The following TSEN2 variants were observed in gnomAD, a reference collection of about 807,000 sequenced individuals.
TSEN2 encodes the protein tRNA-splicing endonuclease subunit Sen2.
TSEN2 carries 54 observed loss-of-function variants against 59.2 expected under a neutral mutation model. The observed-to-expected ratio is 0.91, with a 90% CI of 0.73 to 1.14. TSEN2 has a LOEUF of 1.14. TSEN2 is among the 50% of genes most tolerant of loss of function. The probability of loss-of-function intolerance (pLI) is 0.00; values close to 1 mark genes in which losing one functional copy is unlikely to be tolerated. For missense variants in TSEN2, 636 were observed against 576.2 expected (o/e 1.10, Z -1.06); for synonymous variants, 195 against 198.2 (o/e 0.98, Z 0.14).
rs115088336 is a variant in TSEN2 at position 12,509,482 on chromosome 3, G to C, written c.909+4251G>C. ...CCCAAAGTGCTGAGATTATAGTCAT[G>C]AGCCACCACACGCTGCCAGGCAGTC... is the stretch of plus-strand genomic sequence containing the variant. On this transcript the variant is annotated intron_variant, in intron 6 of 11. Coordinates refer to ENST00000284995, the MANE Select transcript of TSEN2 (RefSeq NM_025265.4). Among the ~76,000 whole-genome samples the C allele has an allele frequency of 6.6e-3, 1,006 of 152,290 alleles. 8 individuals carry two copies. The highest frequency in any genetic ancestry group is 0.017 in the Middle Eastern group (5 of 294).
chr3:12,503,315 A>G lies in TSEN2; in HGVS notation c.362A>G (p.Asp121Gly), dbSNP rs1032496010. Residue 121 changes from aspartate to glycine, a missense_variant, in exon 5 of 12, where the codon GAT (aspartate) becomes GGT (glycine). Transcript: ENST00000284995. Reference sequence around the variant, plus strand: ...GAGCTGATGCGTAGACAGGGGCAGGATGAGAGTACAGTGCGCAGAATCCTC... The same window carrying G: ...GAGCTGATGCGTAGACAGGGGCAGGGTGAGAGTACAGTGCGCAGAATCCTC... The part of the protein sequence containing the change: ...AAELMRRQGQ[D>G]ESTVRRILKD... The G allele has an allele frequency of 6.2e-7, 1 of 1,614,080 alleles. No individual in the cohort carries two copies. Among genetic ancestry groups the G allele is most frequent in the Non-Finnish European group, 8.5e-7 (1 of 1,180,046 alleles).
chr3:12,490,345 CCACT>C (rs2053089922), intron 2 of TSEN2, among the ~76,000 whole-genome samples: 1 of 152,090 alleles, frequency 6.6e-6, no homozygotes, highest in South Asian at 2.1e-4. Flanking sequence ...TGAAAATTCC[CCACT>C]CACTCCCATC....
At chr3:12,523,962 G>A (rs1361142254) in intron 8 of TSEN2, among the ~76,000 whole-genome samples, 3 of 152,146 alleles carry the variant, frequency 2.0e-5, no homozygotes, top group Non-Finnish European at 2.9e-5. Flanking sequence ...TTTTTCATGT[G>A]TACCTCCAAA....
upstream of TSEN2, among the ~76,000 whole-genome samples, chr3:12,480,946 A>G (rs1212356532): frequency 6.6e-6 from 1 of 152,166 alleles, no homozygotes; most frequent in African/African-American, 2.4e-5. Flanking sequence ...TAGCAATGAC[A>G]CCATGGGCAT....
intron 1 of TSEN2, among the ~76,000 whole-genome samples, chr3:12,485,354 A>C (rs2052500490): frequency 6.6e-6 from 1 of 152,214 alleles, no homozygotes; most frequent in Non-Finnish European, 1.5e-5. Flanking sequence ...GAAGAATAAG[A>C]AACAGACTCT....
At chr3:12,481,779 A>G (rs1260575720), upstream of TSEN2, among the ~76,000 whole-genome samples, 1 of 152,162 alleles carries the variant, frequency 6.6e-6, no homozygotes, top group African/African-American at 2.4e-5. Context: ...CAGACACCTA[A>G]CCTTGTATCT....
At chr3:12,539,195 G>A in exon 11 of TSEN2, 1 of 421,346 alleles carries the variant, frequency 2.4e-6, no homozygotes, top group Non-Finnish European at 4.6e-6. Flanking sequence ...GTCCAATGCT[G>A]CGATCTTGGA....
chr3:12,523,526 C>CTTTTTTT lies in TSEN2; in HGVS notation c.1099+4348_1099+4354dup, dbSNP rs546904336. On this transcript the variant is annotated intron_variant, in intron 8 of 11. Coordinates refer to ENST00000284995, the MANE Select transcript of TSEN2 (RefSeq NM_025265.4). The stretch of plus-strand genomic sequence containing the variant: ...CTTCTCCTCATCTTCCTCTTTGATT[C>CTTTTTTT]TTTTTTTTTTTTTTTTTTTTTTTTT... Among the ~76,000 whole-genome samples the CTTTTTTT allele has an allele frequency of 2.2e-4, 10 of 46,480 alleles. 1 individual carries two copies. Among genetic ancestry groups the CTTTTTTT allele is most frequent in the African/African-American group, 4.7e-4 (6 of 12,656 alleles). The allele number at this position is 46,480 out of a possible 152,430, so 30.5% of individuals were successfully genotyped here.
chr3:12,531,525 C>T (rs748707729), intron 10 of TSEN2, 45 bp from the exon 11 acceptor site: 1 of 1,348,360 alleles, frequency 7.4e-7, no homozygotes, highest in East Asian at 2.3e-5. Flanking sequence ...CAAATTTGTA[C>T]TATTATTTTG....
chr3:12,529,811 C>T lies in TSEN2; in HGVS notation c.1186C>T (p.Arg396Cys), dbSNP rs140254884. The change falls in exon 10 of 12, where the codon CGC becomes TGC. Residue 396 changes from arginine to cysteine, a missense_variant. Physicochemically the swap from Arg to Cys is radical, Grantham distance 180. Transcript: ENST00000284995. ...TGATGACCATTTTGAAGGCTCTCTC[C>T]GCAGGCCTCTCAGTTGGAAGTCCCT... ...LVDDHFEGSL[R>C]RPLSWKSLAA... The T allele has an allele frequency of 1.6e-5, 26 of 1,614,008 alleles. No individual in the cohort carries two copies. Among genetic ancestry groups the T allele is most frequent in the African/African-American group, 2.7e-5 (2 of 74,894 alleles).
At chr3:12,486,356 A>T (rs2052611584) in intron 1 of TSEN2, among the ~76,000 whole-genome samples, 1 of 152,216 alleles carries the variant, frequency 6.6e-6, no homozygotes, top group Non-Finnish European at 1.5e-5. Context: ...CGAGTTCAGC[A>T]CAGGAGGACT....
chr3:12,517,549 T>C (rs1414662137), intron 7 of TSEN2, among the ~76,000 whole-genome samples: 1 of 152,028 alleles, frequency 6.6e-6, no homozygotes, highest in African/African-American at 2.4e-5. Context: ...ATAATTCAAA[T>C]AAAATTTAAA....
Position 12,496,467 on chromosome 3 carries a change from G to A in TSEN2, c.272-51G>A, listed in dbSNP as rs777841066. ...AGTCTTTCCTAGATTTTTAGTGTTT[G>A]TTCCCCTTATGGGAAATTTGCCTGA... On this transcript the variant is annotated intron_variant, in intron 3 of 11. Coordinates refer to ENST00000284995, the MANE Select transcript of TSEN2 (RefSeq NM_025265.4). 33 of 1,582,394 alleles carry A rather than the reference G, an allele frequency of 2.1e-5. No homozygotes were observed. In the South Asian group the frequency reaches 3.4e-4, roughly 16 times the overall value.
At chr3:12,505,790 A>G (rs2054759474) in intron 6 of TSEN2, among the ~76,000 whole-genome samples, 1 of 151,154 alleles carries the variant, frequency 6.6e-6, no homozygotes, top group Non-Finnish European at 1.5e-5. Context: ...TCTCAAAAAA[A>G]AAAAAAAAAA....
rs2054542921 is a variant in TSEN2 at position 12,503,782 on chromosome 3, GAAGT to G, written c.831+4_831+7del. The G allele has an allele frequency of 1.2e-6, 2 of 1,613,630 alleles. No homozygotes were observed. The highest frequency in any genetic ancestry group is 1.3e-5 in the African/African-American group (1 of 74,878). ...CGAGAGGGAGGCTGCCCCAAATGAG[GAAGT>G]AAGTAGAAGAAAATAAATCGCTTCC... On this transcript the variant is annotated splice_donor_variant and coding_sequence_variant, in exon 5 of 12. Coordinates refer to ENST00000284995, the MANE Select transcript of TSEN2 (RefSeq NM_025265.4). LOFTEE classifies it high-confidence loss of function.
rs773535982 is a variant in TSEN2, at chr3:12,528,845, A to G, written c.1100-43A>G. 3.1e-6 allele frequency: 5 copies of G among 1,609,526 alleles called. No individual in the cohort carries two copies. In the African/African-American group the frequency reaches 5.3e-5, roughly 17 times the overall value. On this transcript the variant is annotated intron_variant, in intron 8 of 11. Coordinates refer to ENST00000284995, the MANE Select transcript of TSEN2 (RefSeq NM_025265.4). ...TGTTGAGTCTTACTCCTCTCTCATT[A>G]TTTTGAGTGGTTATACTTCTTTTTT...
intron 1 of TSEN2, among the ~76,000 whole-genome samples, chr3:12,488,685 G>T (rs3856808): frequency 0.065 from 9,828 of 152,240 alleles, 696 homozygotes; most frequent in African/African-American, 0.17. Context: ...ACACGTACTG[G>T]CTTTGGCTTT....
chr3:12,509,640 C>G (rs1245249202), intron 6 of TSEN2, among the ~76,000 whole-genome samples: 2 of 152,200 alleles, frequency 1.3e-5, no homozygotes, highest in East Asian at 3.8e-4. Context: ...CCAGCTCACT[C>G]ATTCCCAGCA....
At chr3:12,481,229 G>C (rs748716093), upstream of TSEN2, among the ~76,000 whole-genome samples, 2 of 152,164 alleles carry the variant, frequency 1.3e-5, no homozygotes, top group Non-Finnish European at 2.9e-5. Flanking sequence ...GTGATACTGG[G>C]GATATGTTGA....
Sources: allele counts gnomAD v4.1 joint callset (sites outside exome capture counted in the v4.1 genomes callset), GRCh38; gene constraint gnomAD v4.1.1; transcripts MANE v1.5; gene names NCBI Gene and HGNC (gene_info 2026-07-23, HGNC 2026-07-21).